Variants in NXN observed in about 807,000 individuals in gnomAD.
NXN encodes the protein nucleoredoxin.
Under a neutral mutation model 48.6 loss-of-function variants are expected in NXN, and 16 were observed. That is an observed-to-expected ratio of 0.33 (90% CI 0.22 to 0.50). NXN has a LOEUF of 0.50. Ranked by LOEUF, NXN falls within the 20% of genes least tolerant of loss-of-function variation. The pLI is 0.98. For missense variants in NXN, 492 were observed against 605.5 expected (o/e 0.81, Z 1.97); for synonymous variants, 281 against 269.6 (o/e 1.04, Z -0.41).
At chr17:882,613 C>A (rs1322607201) in intron 1 of NXN, among the ~76,000 whole-genome samples, 1 of 151,996 alleles carries the variant, frequency 6.6e-6, no homozygotes, top group African/African-American at 2.4e-5. Flanking sequence ...CTTCAGGCGC[C>A]CACCACCATG....
intron 1 of NXN, among the ~76,000 whole-genome samples, chr17:833,888 TA>T (rs1211377227): frequency 6.6e-6 from 1 of 151,730 alleles, no homozygotes; most frequent in Non-Finnish European, 1.5e-5. Flanking sequence ...AGCGGGTGAT[TA>T]AAAAAGAAAA....
chr17:858,114 T>G (rs1050404110), intron 1 of NXN, among the ~76,000 whole-genome samples: 3 of 151,630 alleles, frequency 2.0e-5, no homozygotes, highest in African/African-American at 7.3e-5. Flanking sequence ...GGGTCACAGG[T>G]ATGCACCACC....
intron 1 of NXN, among the ~76,000 whole-genome samples, chr17:926,492 CCT>C (rs1315288147): frequency 1.3e-4 from 19 of 150,302 alleles, no homozygotes; most frequent in Non-Finnish European, 2.4e-4. Context: ...GCTCTCCTCC[CCT>C]CTCTTTTCTC....
intron 1 of NXN, among the ~76,000 whole-genome samples, chr17:939,552 G>A (rs1289908714): frequency 6.6e-6 from 1 of 152,024 alleles, no homozygotes. Flanking sequence ...CACCATGTTG[G>A]CCAGGCTGGT....
intron 1 of NXN, among the ~76,000 whole-genome samples, chr17:957,381 C>T (rs2069182836): frequency 6.6e-6 from 1 of 151,738 alleles, no homozygotes; most frequent in African/African-American, 2.4e-5. Context: ...CTTCGGCCAT[C>T]CCAGCACTTT....
intron 1 of NXN, among the ~76,000 whole-genome samples, chr17:879,010 C>G (rs1263110756): frequency 6.6e-6 from 1 of 151,914 alleles, no homozygotes; most frequent in East Asian, 2.0e-4. Context: ...ACTAAAAATA[C>G]AAAAACTAGC....
intron 1 of NXN, among the ~76,000 whole-genome samples, chr17:934,197 G>C (rs963109382): frequency 2.8e-4 from 42 of 152,078 alleles, no homozygotes; most frequent in African/African-American, 9.9e-4. Flanking sequence ...TGTAATCCCA[G>C]CACTTTGGGA....
At position 979,473 on chromosome 17, in the gene NXN, C is replaced by T; in HGVS notation, c.206G>A (p.Gly69Glu). 1 of 1,192,406 alleles carries T rather than the reference C, an allele frequency of 8.4e-7. No individual in the cohort carries two copies. Among genetic ancestry groups the T allele is most frequent in the Non-Finnish European group, 1.0e-6 (1 of 961,588 alleles). The allele number at this position is 1,192,406 out of a possible 1,614,324, so 73.9% of individuals were successfully genotyped here. ...RLRGDAAAGPGPGAGAGAAAE... is the reference protein window; with the variant it reads ...RLRGDAAAGPEPGAGAGAAAE... ...CGCCGCCCCGGCCCCCGCTCCCGGC[C>T]CCGGCCCGGCCGCCGCGTCCCCCCG... Residue 69 changes from glycine to glutamate, a missense_variant, in exon 1 of 8, where the codon GGG (glycine) becomes GAG (glutamate). Coordinates refer to ENST00000336868, the MANE Select transcript of NXN (RefSeq NM_022463.5).
At chr17:815,904 G>A (rs1208587211) in intron 5 of NXN, among the ~76,000 whole-genome samples, 1 of 152,234 alleles carries the variant, frequency 6.6e-6, no homozygotes, top group African/African-American at 2.4e-5. Context: ...GATAAGAGGG[G>A]CCTGAATGTG....
intron 1 of NXN, among the ~76,000 whole-genome samples, chr17:925,289 G>C (rs953470716): frequency 6.6e-6 from 1 of 152,152 alleles, no homozygotes; most frequent in South Asian, 2.1e-4. Context: ...GTCCAGTGAC[G>C]GGTACAAGGA....
rs532398555 is a variant in NXN, at chr17:973,258, G to A, written c.360+6061C>T. Among the ~76,000 whole-genome samples the A allele has an allele frequency of 3.9e-5, 6 of 152,278 alleles. No individual in the cohort carries two copies. In the South Asian group the frequency reaches 1.2e-3, roughly 32 times the overall value. On this transcript the variant is annotated intron_variant, in intron 1 of 7. Transcript: ENST00000336868. Reference sequence around the variant, plus strand: ...CCCGCAGCATTCCAGAGCTGGGACGGGAGGCAGGTCCACGCTAGAGGTGGC... The same window carrying A: ...CCCGCAGCATTCCAGAGCTGGGACGAGAGGCAGGTCCACGCTAGAGGTGGC...
In NXN at chr17:956,556, G is replaced by A. The variant is rs2069171042; in HGVS notation, c.360+22763C>T. Among the ~76,000 whole-genome samples the A allele has an allele frequency of 2.6e-5, 4 of 152,146 alleles. No homozygotes were observed. Among genetic ancestry groups the A allele is most frequent in the Admixed American group, 2.6e-4 (4 of 15,276 alleles). ...AGCCTCCCAAGTAGCTGGGACTACA[G>A]GCGCCCGCCACCACGTCCGGCTAAT... On this transcript the variant is annotated intron_variant, in intron 1 of 7. Coordinates refer to ENST00000336868, the MANE Select transcript of NXN (RefSeq NM_022463.5). This position sits in a 1 kb window ranked among gnomAD's most constrained non-coding sequence, Gnocchi z 4.1.
At chr17:883,198 C>T (rs752228488) in intron 1 of NXN, among the ~76,000 whole-genome samples, 15 of 152,156 alleles carry the variant, frequency 9.9e-5, no homozygotes, top group Non-Finnish European at 2.1e-4. Flanking sequence ...TCTCTCCTGC[C>T]CATTCCTTCT....
chr17:977,642 G>T (rs534213232), intron 1 of NXN, among the ~76,000 whole-genome samples: 1 of 152,318 alleles, frequency 6.6e-6, no homozygotes, highest in East Asian at 1.9e-4. Context: ...GTTTTCAAAA[G>T]CTAGAAATCA....
intron 5 of NXN, among the ~76,000 whole-genome samples, chr17:812,732 T>G (rs1912173014): frequency 1.5e-5 from 2 of 134,656 alleles, no homozygotes; most frequent in African/African-American, 5.9e-5. Context: ...GGTGTGTGAG[T>G]GTAGGGTGCG....
At chr17:836,205 T>C (rs183034430) in intron 1 of NXN, among the ~76,000 whole-genome samples, 35 of 152,262 alleles carry the variant, frequency 2.3e-4, no homozygotes, top group African/African-American at 7.5e-4. Flanking sequence ...GAAGTCCCAG[T>C]TCCCGAGAGC....
At chr17:886,777 C>CA (rs5818771) in intron 1 of NXN, among the ~76,000 whole-genome samples, 196 of 124,316 alleles carry the variant, frequency 1.6e-3, no homozygotes, top group East Asian at 4.5e-3. Context: ...GACTCTGTCT[C>CA]AAAAAAAAAA....
At chr17:901,238 C>G (rs1272729826) in intron 1 of NXN, among the ~76,000 whole-genome samples, 1 of 52,500 alleles carries the variant, frequency 1.9e-5, no homozygotes, top group East Asian at 9.1e-4. Context: ...TCTGCATTCT[C>G]ATTTGTATCC....
chr17:809,064 T>C (rs2067011833), intron 5 of NXN, among the ~76,000 whole-genome samples: 1 of 146,258 alleles, frequency 6.8e-6, no homozygotes, highest in Admixed American at 7.1e-5. Context: ...TCTAGTGAGA[T>C]CAACAGAGTC....
Sources: allele counts gnomAD v4.1 joint callset (sites outside exome capture counted in the v4.1 genomes callset), GRCh38; gene constraint gnomAD v4.1.1; non-coding constraint Gnocchi (gnomAD v3.1); transcripts MANE v1.5; gene names NCBI Gene and HGNC (gene_info 2026-07-23, HGNC 2026-07-21).